NRXN3: variants seen among roughly 807,000 people sequenced by gnomAD.
NRXN3 encodes neurexin 3, also known as neurexin III.
A neutral mutation model predicts 137.6 loss-of-function variants in NRXN3; 32 were observed. The observed-to-expected ratio is 0.23, with a 90% CI of 0.18 to 0.31. The LOEUF is 0.31. Among genes scored for constraint, NRXN3 ranks in the 10% least tolerant of loss-of-function variants. The pLI, the probability that NRXN3 is intolerant of heterozygous loss-of-function variation, is 1.00. For synonymous variants in NRXN3, 798 were observed against 784.5 expected (o/e 1.02, Z -0.29); for missense variants, 1,574 against 2,062.5 (o/e 0.76, Z 4.59).
At chr14:79,063,149 C>A (rs892280527) in intron 15 of NRXN3, among the ~76,000 whole-genome samples, 1 of 152,198 alleles carries the variant, frequency 6.6e-6, no homozygotes, top group Non-Finnish European at 1.5e-5. Flanking sequence ...ACAAATTAAA[C>A]TCCCAGCTTC....
intron 19 of NRXN3, among the ~76,000 whole-genome samples, chr14:79,725,196 A>G (rs2154067312): frequency 6.6e-6 from 1 of 152,296 alleles, no homozygotes; most frequent in Admixed American, 6.5e-5. Flanking sequence ...GTCTTGAAAC[A>G]TGGGCAAACA....
intron 15 of NRXN3, among the ~76,000 whole-genome samples, chr14:79,446,987 C>G (rs947176648): frequency 6.6e-6 from 1 of 152,164 alleles, no homozygotes; most frequent in African/African-American, 2.4e-5. Context: ...TTGATTAAAA[C>G]TAAAGATCCT....
At chr14:79,710,695 A>G (rs2098800325) in intron 19 of NRXN3, among the ~76,000 whole-genome samples, 1 of 151,982 alleles carries the variant, frequency 6.6e-6, no homozygotes, top group East Asian at 1.9e-4. Flanking sequence ...GAATTTCATT[A>G]AAAAATATTT....
At chr14:79,637,510 G>A (rs1330399471) in intron 16 of NRXN3, among the ~76,000 whole-genome samples, 1 of 151,882 alleles carries the variant, frequency 6.6e-6, no homozygotes, top group African/African-American at 2.4e-5. Flanking sequence ...AGGAAAGGGG[G>A]GAATCCTGCA....
rs74721122 is a variant in NRXN3, at chr14:79,119,084, G to A, written c.3262+130943G>A. On this transcript the variant is annotated intron_variant, in intron 15 of 20. Transcript: ENST00000335750. ...TGTTTTTAAAACTTTATAAAAGATG[G>A]TAAATTCCTCTTCAAAATTTAAACT... 1.2e-3 allele frequency among the ~76,000 whole-genome samples: 188 copies of A among 152,236 alleles called. 4 individuals carry two copies. In the East Asian group the frequency reaches 0.033, roughly 27 times the overall value.
chr14:78,943,613 AAAAAAAAAAT>A (rs1567775914), intron 10 of NRXN3, among the ~76,000 whole-genome samples: 16 of 30,996 alleles, frequency 5.2e-4, no homozygotes, highest in South Asian at 4.1e-3. Flanking sequence ...TCACTGTTAA[AAAAAAAAAAT>A]ATATATATAT....
At chr14:78,793,147 A>G (rs1306108390) in intron 8 of NRXN3, among the ~76,000 whole-genome samples, 2 of 152,196 alleles carry the variant, frequency 1.3e-5, no homozygotes, top group Admixed American at 1.3e-4. Flanking sequence ...TATTATTTAC[A>G]TAATCATTAA....
chr14:78,353,687 T>TAA (rs2083877687), intron 4 of NRXN3, among the ~76,000 whole-genome samples: 1 of 152,160 alleles, frequency 6.6e-6, no homozygotes, highest in Non-Finnish European at 1.5e-5. Context: ...TTGAAGAGGA[T>TAA]AAAGGAGTCT....
In NRXN3 at chr14:78,828,199, T is replaced by C. The variant is rs1450914462; in HGVS notation, c.2275+17855T>C. Among the ~76,000 whole-genome samples, 6 of 152,332 alleles carry C rather than the reference T, an allele frequency of 3.9e-5. No homozygotes were observed. In the South Asian group the frequency reaches 6.2e-4, roughly 16 times the overall value. On this transcript the variant is annotated intron_variant, in intron 10 of 20. Coordinates refer to ENST00000335750, the MANE Select transcript of NRXN3 (RefSeq NM_001330195.2). ...CAAGTGCTACCAGAGAGCAATTCTATTGATGGCATGTTACGTGTTTGGAAG... is the reference window on the plus strand; with the variant it reads ...CAAGTGCTACCAGAGAGCAATTCTACTGATGGCATGTTACGTGTTTGGAAG...
intron 17 of NRXN3, among the ~76,000 whole-genome samples, chr14:79,676,344 T>TC (rs11390085): frequency 0.38 from 58,152 of 151,778 alleles, 13,452 homozygotes; most frequent in African/African-American, 0.65. Context: ...ACCTACATCC[T>TC]CTATTCCCCA....
intron 4 of NRXN3, among the ~76,000 whole-genome samples, chr14:78,398,732 G>A (rs922669863): frequency 6.6e-5 from 10 of 152,288 alleles, no homozygotes; most frequent in African/African-American, 1.4e-4. Flanking sequence ...ACATAACCCC[G>A]AGGGGATGGG....
chr14:79,054,639 G>A (rs952516653), intron 15 of NRXN3, among the ~76,000 whole-genome samples: 1 of 152,206 alleles, frequency 6.6e-6, no homozygotes, highest in African/African-American at 2.4e-5. Context: ...CAGCTGGAGA[G>A]ACAGACTGGG....
At chr14:78,436,696 C>T (rs912051108) in intron 4 of NRXN3, among the ~76,000 whole-genome samples, 5 of 152,164 alleles carry the variant, frequency 3.3e-5, no homozygotes, top group East Asian at 3.8e-4. Context: ...CAGGCACATG[C>T]GGCTAGTGAG....
intron 15 of NRXN3, among the ~76,000 whole-genome samples, chr14:79,219,060 A>G (rs925080402): frequency 6.6e-6 from 1 of 152,152 alleles, no homozygotes; most frequent in Non-Finnish European, 1.5e-5. Context: ...AAACTGCTCT[A>G]AAAAATAAGG....
Position 79,284,839 on chromosome 14 carries a change from C to G in NRXN3, c.3263-182382C>G, listed in dbSNP as rs141918165. On this transcript the variant is annotated intron_variant, in intron 15 of 20. Transcript: ENST00000335750. ...TCTGCTCAGCCAGCTGCTTTCTAAC[C>G]ACTTTCTTTATGCCTGCCTTCTTGA... Among the ~76,000 whole-genome samples the G allele has an allele frequency of 7.0e-4, 107 of 152,250 alleles. 1 individual carries two copies. The highest frequency in any genetic ancestry group is 2.5e-3 in the African/African-American group (102 of 41,550).
At chr14:79,653,977 C>T (rs1364616252) in intron 16 of NRXN3, among the ~76,000 whole-genome samples, 1 of 152,202 alleles carries the variant, frequency 6.6e-6, no homozygotes, top group Admixed American at 6.5e-5. Flanking sequence ...TTTTATACCC[C>T]AGGGGCAATA....
rs980734228 is a variant in NRXN3, at chr14:79,410,466, GT to G, written c.3263-56743del. The stretch of plus-strand genomic sequence containing the variant: ...TATTGTCAATAACTATTCCCAGAAG[GT>G]TTTTTTTTTTTCAGATCTACTAGAG... On this transcript the variant is annotated intron_variant, in intron 15 of 20. Coordinates refer to ENST00000335750, the MANE Select transcript of NRXN3 (RefSeq NM_001330195.2). Among the ~76,000 whole-genome samples the G allele has an allele frequency of 5.2e-3, 739 of 142,760 alleles. 2 individuals carry two copies. Among genetic ancestry groups the G allele is most frequent in the East Asian group, 0.025 (122 of 4,904 alleles). The allele number at this position is 142,760 out of a possible 152,430, so 93.7% of individuals were successfully genotyped here.
Position 79,862,487 on chromosome 14 carries a change from A to G in NRXN3, c.*523A>G. ...AAAAAACACCAAAAAACAAAAACAA[A>G]CAAAAAAAAAAACCCACAACCCTTA... On this transcript the variant is annotated 3_prime_UTR_variant, in exon 21 of 21. Transcript: ENST00000335750. 6.6e-6 allele frequency: 1 copy of G among 150,618 alleles called. No homozygotes were observed. Among genetic ancestry groups the G allele is most frequent in the East Asian group, 1.9e-4 (1 of 5,178 alleles). The allele number at this position is 150,618 out of a possible 1,614,324, so 9.3% of individuals were successfully genotyped here.
chr14:79,814,904 A>T (rs185635500), intron 20 of NRXN3, among the ~76,000 whole-genome samples: 5 of 152,354 alleles, frequency 3.3e-5, no homozygotes, highest in African/African-American at 1.2e-4. Flanking sequence ...GGGAAAAAAA[A>T]ACTTTTTAAC....
Sources: gnomAD v4.1 joint callset for allele counts (sites outside exome capture counted in the v4.1 genomes callset) on GRCh38, gnomAD v4.1.1 for gene constraint, MANE v1.5 for transcripts, NCBI Gene and HGNC (gene_info 2026-07-23, HGNC 2026-07-21) for gene names.